The following VWF variants were observed in gnomAD, a reference collection of about 807,000 sequenced individuals.
VWF encodes von Willebrand factor.
In VWF, 176 loss-of-function variants were observed where a neutral mutation model predicts 308.6. The observed-to-expected ratio is 0.57, with a 90% CI of 0.50 to 0.65. VWF has a LOEUF of 0.65. Ranked by LOEUF, VWF falls within the 30% of genes least tolerant of loss-of-function variation. The pLI, the probability that VWF is intolerant of heterozygous loss-of-function variation, is 0.00. For synonymous variants in VWF, 1,385 were observed against 1,443.4 expected, an observed-to-expected ratio of 0.96 and a Z score of 0.92; for missense variants, 3,146 against 3,648.2, an observed-to-expected ratio of 0.86 and a Z score of 3.55.
intron 6 of VWF, among the ~76,000 whole-genome samples, chr12:6,091,929 T>A (rs571564418): frequency 6.6e-6 from 1 of 152,124 alleles, no homozygotes; most frequent in African/African-American, 2.4e-5. Context: ...TGTTTTCTCA[T>A]GGGATGAACA....
chr12:6,080,741 AT>A (rs1319148946), intron 6 of VWF, among the ~76,000 whole-genome samples: 2 of 152,196 alleles, frequency 1.3e-5, no homozygotes, highest in African/African-American at 4.8e-5. Context: ...TTACGGCCCC[AT>A]CATAATCCAA....
In VWF at chr12:6,023,703, T is replaced by C. The variant is rs113805591; in HGVS notation, c.3307A>G (p.Thr1103Ala). Reference protein sequence around the residue: ...SIGDCACFCDTIAAYAHVCAQ... With the variant: ...SIGDCACFCDAIAAYAHVCAQ... ...CACACGTGGGCATAGGCAGCAATGG[T>C]GTCGCAGAAGCAGGCGCAGTCCCCA... is the stretch of plus-strand genomic sequence containing the variant. Residue 1103 changes from threonine to alanine, a missense_variant, in exon 25 of 52, where the codon ACC (threonine) becomes GCC (alanine). Physicochemically the swap from Thr to Ala is moderately conservative, Grantham distance 58 (BLOSUM62 0). Transcript: ENST00000261405. 1.2e-6 allele frequency: 2 copies of C among 1,613,882 alleles called. No individual in the cohort carries two copies. Among genetic ancestry groups the C allele is most frequent in the South Asian group, 2.2e-5 (2 of 90,932 alleles).
rs149285794 is a variant in VWF, at chr12:6,067,620, T to C, written c.1157-2347A>G. On this transcript the variant is annotated intron_variant, in intron 10 of 51. Coordinates refer to ENST00000261405, the MANE Select transcript of VWF (RefSeq NM_000552.5). ...GAAAATGGGTGGGTGAGCTGCCAGG[T>C]AGCCGTTAGCCACGGGAGCTAGAAC... Among the ~76,000 whole-genome samples, 1,142 of 152,236 alleles carry C rather than the reference T, an allele frequency of 7.5e-3. 16 individuals carry two copies. Among genetic ancestry groups the C allele is most frequent in the African/African-American group, 0.025 (1,053 of 41,526 alleles).
At position 5,975,538 on chromosome 12, in the gene VWF, G is replaced by A. The variant is rs142246219; in HGVS notation, c.7437+573C>T. Among the ~76,000 whole-genome samples the A allele has an allele frequency of 1.9e-4, 29 of 152,254 alleles. No homozygotes were observed. The South Asian group carries it at 2.1e-3, about 11-fold the overall frequency. On this transcript the variant is annotated intron_variant, in intron 43 of 51. Coordinates refer to ENST00000261405, the MANE Select transcript of VWF (RefSeq NM_000552.5). The stretch of plus-strand genomic sequence containing the variant: ...TTGGGAAACAGGGATCATGTTTTCC[G>A]TACCTCAAGTTATAAACATGGTCTG...
Position 6,058,362 on chromosome 12 carries a change from G to A in VWF, c.1534-318C>T, listed in dbSNP as rs975279429. Reference sequence around the variant, plus strand: ...AGGCAAAGTGACTTGCCTAAGGTCAGGGAGGTAGTGGCGGAGCTAGGGTGA... The same window carrying A: ...AGGCAAAGTGACTTGCCTAAGGTCAAGGAGGTAGTGGCGGAGCTAGGGTGA... On this transcript the variant is annotated intron_variant, in intron 13 of 51. Transcript: ENST00000261405. The surrounding 1 kb of genome is among the most constrained non-coding windows in gnomAD (Gnocchi z 4.9). Among the ~76,000 whole-genome samples the A allele has an allele frequency of 6.6e-6, 1 of 152,230 alleles. No homozygotes were observed. The highest frequency in any genetic ancestry group is 1.5e-5 in the Non-Finnish European group (1 of 68,038).
intron 10 of VWF, among the ~76,000 whole-genome samples, chr12:6,066,574 G>T (rs1379828498): frequency 6.6e-6 from 1 of 152,256 alleles, no homozygotes; most frequent in Non-Finnish European, 1.5e-5. Flanking sequence ...GCGGAAGCTT[G>T]GCTGTCTACA....
At position 6,063,536 on chromosome 12, in the gene VWF, G is replaced by A. The variant is rs1461013091; in HGVS notation, c.1433-482C>T. The stretch of plus-strand genomic sequence containing the variant: ...ATAGGAGCACACCCCTTGCCCTGGG[G>A]GAACAAACATATCTTATAAGGAGAC... On this transcript the variant is annotated intron_variant, in intron 12 of 51. Coordinates refer to ENST00000261405, the MANE Select transcript of VWF (RefSeq NM_000552.5). This position sits in a 1 kb window ranked among gnomAD's most constrained non-coding sequence, Gnocchi z 4.9. Among the ~76,000 whole-genome samples the A allele has an allele frequency of 4.6e-5, 7 of 152,122 alleles. No homozygotes were observed. The highest frequency in any genetic ancestry group is 1.0e-4 in the Non-Finnish European group (7 of 68,024).
At chr12:6,076,143 C>A (rs10849380) in intron 6 of VWF, among the ~76,000 whole-genome samples, 4 of 151,960 alleles carry the variant, frequency 2.6e-5, no homozygotes, top group African/African-American at 9.7e-5. Context: ...CAACAGCATG[C>A]GCTGATTCTG....
rs762943129 is a variant in VWF, at chr12:6,019,595, G to A, written c.3823C>T (p.Leu1275=). 2 of 1,613,852 alleles carry A rather than the reference G, an allele frequency of 1.2e-6. No homozygotes were observed. Among genetic ancestry groups the A allele is most frequent in the Non-Finnish European group, 1.7e-6 (2 of 1,179,874 alleles). Residue 1275 remains leucine, a synonymous_variant, in exon 28 of 52, where the codon CTA becomes TTA. Transcript: ENST00000261405. This position sits in a 1 kb window ranked among gnomAD's most constrained non-coding sequence, Gnocchi z 5.8. ...TCCAGCAGGAAGACCAGGTCCAGTAGCCTGCTGCAGTAGAAATCGTGCAAC... is the reference window on the plus strand; with the variant it reads ...TCCAGCAGGAAGACCAGGTCCAGTAACCTGCTGCAGTAGAAATCGTGCAAC... ...PPLHDFYCSR[L]LDLVFLLDGS...
rs1363871452 is a variant in VWF at position 6,063,561 on chromosome 12, C to A, written c.1433-507G>T. Among the ~76,000 whole-genome samples, 4 of 152,162 alleles carry A rather than the reference C, an allele frequency of 2.6e-5. No homozygotes were observed. The highest frequency in any genetic ancestry group is 2.1e-4 in the South Asian group (1 of 4,826). ...GGAACAAACATATCTTATAAGGAGA[C>A]ACACAGCATAACACCCATGGACGTG... On this transcript the variant is annotated intron_variant, in intron 12 of 51. Transcript: ENST00000261405. The surrounding 1 kb of genome is among the most constrained non-coding windows in gnomAD (Gnocchi z 4.9).
intron 5 of VWF, among the ~76,000 whole-genome samples, chr12:6,102,563 C>T (rs1312324180): frequency 2.0e-5 from 3 of 151,412 alleles, no homozygotes; most frequent in African/African-American, 4.9e-5. Flanking sequence ...GGTGAAACCC[C>T]GTCTCTACTA....
At chr12:5,969,950 TC>T (rs1462110394) in intron 44 of VWF, among the ~76,000 whole-genome samples, 3 of 137,712 alleles carry the variant, frequency 2.2e-5, no homozygotes, top group African/African-American at 8.3e-5. Context: ...AGGAGGATCT[TC>T]CCCAGAAAAT....
chr12:6,046,558 T>A lies in VWF; in HGVS notation c.2281+165A>T, dbSNP rs1004984868. On this transcript the variant is annotated intron_variant, in intron 17 of 51. Coordinates refer to ENST00000261405, the MANE Select transcript of VWF (RefSeq NM_000552.5). The surrounding 1 kb of genome is among the most constrained non-coding windows in gnomAD (Gnocchi z 5.0). ...GCAAAGACATGCCTTGGCCTGAAAG[T>A]CACTCACACAAACCCAGAAATGAAG... Among the ~76,000 whole-genome samples, 11 of 152,246 alleles carry A rather than the reference T, an allele frequency of 7.2e-5. No homozygotes were observed. Among genetic ancestry groups the A allele is most frequent in the African/African-American group, 2.7e-4 (11 of 41,464 alleles).
At chr12:6,108,906 A>T (rs899405901) in intron 5 of VWF, among the ~76,000 whole-genome samples, 1 of 150,870 alleles carries the variant, frequency 6.6e-6, no homozygotes, top group South Asian at 2.1e-4. Context: ...GCGTGAACCC[A>T]GGAGGCAGAG....
chr12:6,110,624 A>C (rs749325177), intron 4 of VWF, 42 bp from the exon 5 acceptor site: 6 of 1,596,774 alleles, frequency 3.8e-6, no homozygotes, highest in African/African-American at 1.3e-5. Context: ...CTTCTTGTGC[A>C]TTTTCTGGAT....
At chr12:6,112,057 G>A (rs1165914843) in intron 3 of VWF, among the ~76,000 whole-genome samples, 1 of 152,204 alleles carries the variant, frequency 6.6e-6, no homozygotes, top group Non-Finnish European at 1.5e-5. Context: ...GGAGATTCAT[G>A]AGCTCCACCT....
chr12:6,113,685 CTGTA>C (rs1357455459), intron 3 of VWF, among the ~76,000 whole-genome samples: 1 of 152,230 alleles, frequency 6.6e-6, no homozygotes, highest in Admixed American at 6.5e-5. Context: ...TTCAACTTTT[CTGTA>C]TGTTTCAAAA....
At chr12:5,956,041 A>G (rs1036692180) in intron 47 of VWF, among the ~76,000 whole-genome samples, 5 of 152,206 alleles carry the variant, frequency 3.3e-5, no homozygotes, top group Non-Finnish European at 7.4e-5. Context: ...GTTTCAGTCA[A>G]CAACAGACTG....
Position 6,034,739 on chromosome 12 carries a change from G to C in VWF, c.2634C>G (p.Phe878Leu). The C allele has an allele frequency of 6.2e-7, 1 of 1,614,176 alleles. No homozygotes were observed. The change falls in exon 20 of 52, where the codon TTC becomes TTG. Residue 878 changes from phenylalanine to leucine, a missense_variant. Phe to Leu is a conservative substitution (Grantham distance 22, BLOSUM62 0). Coordinates refer to ENST00000261405, the MANE Select transcript of VWF (RefSeq NM_000552.5). The part of the protein sequence containing the change: ...STIGMAHYLT[F>L]DGLKYLFPGE... The stretch of plus-strand genomic sequence containing the variant: ...CGGGGAACAGGTATTTGAGCCCGTC[G>C]AAGGTGAGGTAGTGGGCCATGCCGA...
Sources: gnomAD v4.1 joint callset for allele counts (sites outside exome capture counted in the v4.1 genomes callset) on GRCh38, gnomAD v4.1.1 for gene constraint, Gnocchi (gnomAD v3.1) non-coding constraint, MANE v1.5 for transcripts, NCBI Gene and HGNC (gene_info 2026-07-23, HGNC 2026-07-21) for gene names.